ATRNL1: variants seen among roughly 807,000 people sequenced by gnomAD.
ATRNL1 encodes attractin-like protein 1.
ATRNL1 carries 95 observed loss-of-function variants against 182.7 expected under a neutral mutation model. The ratio of observed to expected loss-of-function variants is 0.52; its 90% CI spans 0.44 to 0.62. The LOEUF is 0.62. Among genes scored for constraint, ATRNL1 ranks in the 20% least tolerant of loss-of-function variants. The pLI is 0.00. For missense variants in ATRNL1, 1,471 were observed against 1,679.5 expected (o/e 0.88, Z 2.17); for synonymous variants, 576 against 568.3 (o/e 1.01, Z -0.19).
intron 27 of ATRNL1, among the ~76,000 whole-genome samples, chr10:115,802,882 G>A (rs557387605): frequency 6.6e-6 from 1 of 152,250 alleles, no homozygotes; most frequent in South Asian, 2.1e-4. Flanking sequence ...TTTGTTACCT[G>A]TTTTACATGT....
intron 24 of ATRNL1, among the ~76,000 whole-genome samples, chr10:115,496,506 T>G (rs1258978479): frequency 6.6e-6 from 1 of 152,154 alleles, no homozygotes; most frequent in East Asian, 1.9e-4. Flanking sequence ...GTGGTTTTTG[T>G]TTTTAGCTCT....
At chr10:115,453,061 G>A (rs1554967979) in intron 21 of ATRNL1, among the ~76,000 whole-genome samples, 1 of 152,038 alleles carries the variant, frequency 6.6e-6, no homozygotes, top group Non-Finnish European at 1.5e-5. Context: ...TTAATTGTAT[G>A]TATATACTAC....
intron 5 of ATRNL1, among the ~76,000 whole-genome samples, chr10:115,153,111 C>T (rs973831941): frequency 4.7e-4 from 71 of 152,170 alleles, no homozygotes; most frequent in African/African-American, 1.6e-3. Context: ...TTGCTGGATT[C>T]GGTTTGCCAG....
chr10:115,457,781 C>G (rs1700016814), intron 21 of ATRNL1, among the ~76,000 whole-genome samples: 2 of 151,916 alleles, frequency 1.3e-5, no homozygotes, highest in Admixed American at 6.6e-5. Context: ...ATGTTTTTTT[C>G]ACAAGATCTC....
chr10:115,822,710 A>G lies in ATRNL1; in HGVS notation c.3904-25167A>G, dbSNP rs533085716. Among the ~76,000 whole-genome samples, 3 of 152,306 alleles carry G rather than the reference A, an allele frequency of 2.0e-5. No homozygotes were observed. In the East Asian group the frequency reaches 5.8e-4, roughly 29 times the overall value. On this transcript the variant is annotated intron_variant, in intron 27 of 28. Coordinates refer to ENST00000355044, the MANE Select transcript of ATRNL1 (RefSeq NM_207303.4). ...AATGGATAAATTCCTGGACACATAC[A>G]CCCTTCCAAGACTAAACCAGAAAGA...
chr10:115,640,189 G>A (rs999856844), intron 26 of ATRNL1, among the ~76,000 whole-genome samples: 43 of 152,122 alleles, frequency 2.8e-4, no homozygotes, highest in African/African-American at 9.9e-4. Flanking sequence ...TGGGCATTTG[G>A]GTTGGTTCCA....
intron 1 of ATRNL1, among the ~76,000 whole-genome samples, chr10:115,119,188 A>G (rs184857173): frequency 8.5e-5 from 13 of 152,264 alleles, no homozygotes; most frequent in Admixed American, 3.9e-4. Flanking sequence ...TGCAGGGATT[A>G]TGAAAGATTT....
At chr10:115,536,168 A>G (rs1249770634) in intron 25 of ATRNL1, among the ~76,000 whole-genome samples, 1 of 152,130 alleles carries the variant, frequency 6.6e-6, no homozygotes, top group Non-Finnish European at 1.5e-5. Context: ...TTAATTCTGC[A>G]GAGGTTACTG....
intron 24 of ATRNL1, among the ~76,000 whole-genome samples, chr10:115,487,365 A>G (rs1041242656): frequency 3.3e-5 from 5 of 152,136 alleles, no homozygotes; most frequent in South Asian, 2.1e-4. Flanking sequence ...GATTCTTCCT[A>G]TCAATGACCA....
intron 26 of ATRNL1, among the ~76,000 whole-genome samples, chr10:115,679,420 C>A (rs11814886): frequency 6.6e-6 from 1 of 151,866 alleles, no homozygotes; most frequent in Non-Finnish European, 1.5e-5. Flanking sequence ...TCCTATGTGC[C>A]AATTACCCTG....
chr10:115,848,893 G>C (rs782776438), intron 28 of ATRNL1, among the ~76,000 whole-genome samples: 1 of 152,176 alleles, frequency 6.6e-6, no homozygotes, highest in Non-Finnish European at 1.5e-5. Flanking sequence ...ATGCCAGCAA[G>C]CTGGCAAGTT....
chr10:115,521,525 CA>C, intron 25 of ATRNL1, among the ~76,000 whole-genome samples: 1 of 152,216 alleles, frequency 6.6e-6, no homozygotes, highest in East Asian at 1.9e-4. Flanking sequence ...AAAAATTTCA[CA>C]AAGTTGAATA....
chr10:115,143,305 G>C (rs1429168097), intron 5 of ATRNL1, among the ~76,000 whole-genome samples: 1 of 152,054 alleles, frequency 6.6e-6, no homozygotes, highest in East Asian at 1.9e-4. Flanking sequence ...TGTTGCCTCT[G>C]ACTGCATAGG....
At chr10:115,260,385 A>G (rs1278408848) in intron 10 of ATRNL1, among the ~76,000 whole-genome samples, 1 of 152,192 alleles carries the variant, frequency 6.6e-6, no homozygotes, top group Admixed American at 6.5e-5. Context: ...AATTATCTGA[A>G]GAAATCTGAC....
chr10:115,738,125 G>GTTTTTTTTTTGTTTTTTTTGTTTTTTT (rs1565334914), intron 27 of ATRNL1, among the ~76,000 whole-genome samples: 1 of 53,150 alleles, frequency 1.9e-5, no homozygotes, highest in African/African-American at 5.7e-5. Context: ...AGAAGATAAT[G>GTTTTTTTTTTGTTTTTTTTGTTTTTTT]ATTTTTTTTT....
chr10:115,628,919 A>C (rs2133824403), intron 26 of ATRNL1, among the ~76,000 whole-genome samples: 1 of 152,266 alleles, frequency 6.6e-6, no homozygotes, highest in South Asian at 2.1e-4. Context: ...TTCTTTCCTA[A>C]TTGAATAGTC....
chr10:115,528,027 CTCCT>C (rs1565133418), intron 25 of ATRNL1, among the ~76,000 whole-genome samples: 1 of 47,466 alleles, frequency 2.1e-5, no homozygotes. Flanking sequence ...CCTTCCTTCC[CTCCT>C]TCCTTTCTTC....
chr10:115,623,518 A>G (rs1218163295), intron 26 of ATRNL1, among the ~76,000 whole-genome samples: 1 of 152,216 alleles, frequency 6.6e-6, no homozygotes, highest in African/African-American at 2.4e-5. Flanking sequence ...AGTCTTAACT[A>G]TTCATATTTA....
chr10:115,676,638 G>T (rs1326068046), intron 26 of ATRNL1, among the ~76,000 whole-genome samples: 1 of 151,742 alleles, frequency 6.6e-6, no homozygotes, highest in Non-Finnish European at 1.5e-5. Context: ...ACACAATTCT[G>T]AACTTTCTAA....
Sources: allele counts gnomAD v4.1 joint callset (sites outside exome capture counted in the v4.1 genomes callset), GRCh38; gene constraint gnomAD v4.1.1; transcripts MANE v1.5; gene names NCBI Gene and HGNC (gene_info 2026-07-23, HGNC 2026-07-21).